EHBP1: variants seen among roughly 807,000 people sequenced by gnomAD.
EHBP1 encodes EH domain-binding protein 1.
EHBP1 carries 55 observed loss-of-function variants against 144.0 expected under a neutral mutation model. The ratio of observed to expected loss-of-function variants is 0.38; its 90% CI spans 0.31 to 0.48. The LOEUF is 0.48. Ranked by LOEUF, EHBP1 falls within the 20% of genes least tolerant of loss-of-function variation. The pLI, the probability that EHBP1 is intolerant of heterozygous loss-of-function variation, is 0.98. For synonymous variants in EHBP1, 469 were observed against 472.7 expected, an observed-to-expected ratio of 0.99 and a Z score of 0.10; for missense variants, 1,200 against 1,364.2, an observed-to-expected ratio of 0.88 and a Z score of 1.90.
At chr2:62,779,369 A>G (rs959755001) in intron 5 of EHBP1, among the ~76,000 whole-genome samples, 2 of 152,238 alleles carry the variant, frequency 1.3e-5, no homozygotes, top group African/African-American at 2.4e-5. Context: ...TTATATATAC[A>G]GTAAACTTTT....
chr2:62,955,770 T>A, intron 14 of EHBP1, 110 bp downstream of exon 14: 1 of 1,168,870 alleles, frequency 8.6e-7, no homozygotes, highest in Non-Finnish European at 1.2e-6. Flanking sequence ...GACTGTACAT[T>A]GTGAATACTT....
At chr2:62,835,903 C>T (rs1435547961) in intron 7 of EHBP1, among the ~76,000 whole-genome samples, 10 of 152,150 alleles carry the variant, frequency 6.6e-5, no homozygotes, top group Admixed American at 1.3e-4. Context: ...AAGGTGGCAG[C>T]GAGGCTGGGG....
At chr2:62,766,357 A>G (rs1010763234) in intron 4 of EHBP1, among the ~76,000 whole-genome samples, 7 of 152,184 alleles carry the variant, frequency 4.6e-5, no homozygotes, top group Non-Finnish European at 8.8e-5. Flanking sequence ...CAACTATGGC[A>G]ATAGAAATAG....
chr2:63,040,789 A>G (rs1191461447), intron 21 of EHBP1, among the ~76,000 whole-genome samples: 4 of 152,206 alleles, frequency 2.6e-5, no homozygotes, highest in Admixed American at 1.3e-4. Context: ...TGGGCAGTAC[A>G]TGGGCTGGGC....
At chr2:62,975,757 C>T (rs1453257476) in intron 14 of EHBP1, among the ~76,000 whole-genome samples, 2 of 151,882 alleles carry the variant, frequency 1.3e-5, no homozygotes, top group African/African-American at 4.8e-5. Context: ...TTTTAAACTA[C>T]AGCTACCATG....
At position 62,707,301 on chromosome 2, in the gene EHBP1, A is replaced by C. The variant is rs1452894282; in HGVS notation, c.104+6A>C. On this transcript the variant is annotated splice_donor_region_variant and intron_variant, in intron 2 of 22. Transcript: ENST00000431489. ...GTTGAGTGTACGAAGAAATGGTAAG[A>C]TGTACCTGGAGGTAGATTTTGCTGT... The C allele has an allele frequency of 1.2e-6, 2 of 1,607,288 alleles. No homozygotes were observed. Among genetic ancestry groups the C allele is most frequent in the Admixed American group, 3.3e-5 (2 of 60,014 alleles).
intron 21 of EHBP1, among the ~76,000 whole-genome samples, chr2:63,040,751 C>A (rs937834357): frequency 6.6e-6 from 1 of 152,146 alleles, no homozygotes; most frequent in Non-Finnish European, 1.5e-5. Flanking sequence ...AAGATACTGT[C>A]TTAAGAAAGA....
intron 2 of EHBP1, among the ~76,000 whole-genome samples, chr2:62,708,605 T>C (rs977320960): frequency 5.3e-5 from 8 of 152,188 alleles, no homozygotes; most frequent in African/African-American, 1.9e-4. Flanking sequence ...ACATTTAAAA[T>C]GCTTGGAACA....
intron 2 of EHBP1, among the ~76,000 whole-genome samples, chr2:62,745,465 T>A (rs1041045048): frequency 6.6e-6 from 1 of 151,976 alleles, no homozygotes; most frequent in Non-Finnish European, 1.5e-5. Context: ...ATTAGGGGTT[T>A]ACTAGGTAGA....
At chr2:63,012,933 C>A (rs2060329926) in intron 19 of EHBP1, among the ~76,000 whole-genome samples, 1 of 151,822 alleles carries the variant, frequency 6.6e-6, no homozygotes, top group African/African-American at 2.4e-5. Flanking sequence ...TTAATGTAGC[C>A]TACTTAGCTC....
At chr2:62,803,631 C>T (rs2044211830) in intron 5 of EHBP1, among the ~76,000 whole-genome samples, 1 of 152,182 alleles carries the variant, frequency 6.6e-6, no homozygotes, top group Admixed American at 6.5e-5. Flanking sequence ...CCATTGCCAA[C>T]TTTCAATTGA....
chr2:62,917,808 A>G (rs2152995559), intron 10 of EHBP1, among the ~76,000 whole-genome samples: 1 of 152,276 alleles, frequency 6.6e-6, no homozygotes, highest in South Asian at 2.1e-4. Context: ...GTATAGGAGC[A>G]TAACAGACCT....
intron 4 of EHBP1, among the ~76,000 whole-genome samples, chr2:62,767,344 TAG>T (rs2041270130): frequency 6.6e-6 from 1 of 152,056 alleles, no homozygotes; most frequent in South Asian, 2.1e-4. Flanking sequence ...AAAAATAAAA[TAG>T]AGGATTTCTT....
At chr2:62,818,204 A>T in intron 5 of EHBP1, among the ~76,000 whole-genome samples, 1 of 137,226 alleles carries the variant, frequency 7.3e-6, no homozygotes, top group East Asian at 2.7e-4. Flanking sequence ...GTAATGTCTT[A>T]GGCCTTCACA....
chr2:62,867,087 AG>A (rs2050102776), intron 9 of EHBP1, among the ~76,000 whole-genome samples: 1 of 152,166 alleles, frequency 6.6e-6, no homozygotes, highest in African/African-American at 2.4e-5. Flanking sequence ...GAAGGAAAAA[AG>A]CACATGAAAT....
intron 10 of EHBP1, among the ~76,000 whole-genome samples, chr2:62,897,445 A>C (rs1023147541): frequency 2.0e-5 from 3 of 152,166 alleles, no homozygotes; most frequent in Non-Finnish European, 4.4e-5. Flanking sequence ...ATGTTGGATA[A>C]ATTTTCTGAA....
upstream of EHBP1, among the ~76,000 whole-genome samples, chr2:62,704,113 C>T (rs2034365015): frequency 6.6e-6 from 1 of 152,142 alleles, no homozygotes; most frequent in African/African-American, 2.4e-5. Context: ...GTAGTGACTT[C>T]GTAAACCACT....
Position 62,963,995 on chromosome 2 carries a change from TC to T in EHBP1, c.2460+8336del, listed in dbSNP as rs2058121487. Among the ~76,000 whole-genome samples the T allele has an allele frequency of 2.0e-5, 3 of 152,324 alleles. No individual in the cohort carries two copies. In the South Asian group the frequency reaches 6.2e-4, roughly 32 times the overall value. Reference sequence around the variant, plus strand: ...GAAGAATGCTGGCGTACTTCTATGTTCAGCATAAATAGCTCTATACAAAGCA... The same window carrying T: ...GAAGAATGCTGGCGTACTTCTATGTTAGCATAAATAGCTCTATACAAAGCA... On this transcript the variant is annotated intron_variant, in intron 14 of 22. Coordinates refer to ENST00000431489, the MANE Select transcript of EHBP1 (RefSeq NM_001142616.3).
chr2:62,756,642 GCT>G (rs1240485737), intron 3 of EHBP1, among the ~76,000 whole-genome samples: 1 of 152,050 alleles, frequency 6.6e-6, no homozygotes, highest in Non-Finnish European at 1.5e-5. Flanking sequence ...GGTGGCACAT[GCT>G]TGTAATCCCA....
Sources: gnomAD v4.1 joint callset for allele counts (sites outside exome capture counted in the v4.1 genomes callset) on GRCh38, gnomAD v4.1.1 for gene constraint, MANE v1.5 for transcripts, NCBI Gene and HGNC (gene_info 2026-07-23, HGNC 2026-07-21) for gene names.